The following AMMECR1 variants were observed in gnomAD, a reference collection of about 807,000 sequenced individuals.
The protein encoded by AMMECR1 is AMMECR nuclear protein 1.
Under a neutral mutation model 22.5 loss-of-function variants are expected in AMMECR1, and 3 were observed. That is an observed-to-expected ratio of 0.13 (90% CI 0.06 to 0.35). The LOEUF (loss-of-function observed/expected upper bound fraction) is 0.35, where lower values mean the gene tolerates loss of function less well. AMMECR1 is among the 10% of genes least tolerant of loss of function. The pLI is 1.00. For missense variants in AMMECR1, 235 were observed against 278.7 expected (o/e 0.84, Z 1.12); for synonymous variants, 130 against 116.7 (o/e 1.11, Z -0.74).
intron 2 of AMMECR1, among the ~76,000 whole-genome samples, chrX:110,221,699 T>G (rs912848880): frequency 2.7e-5 from 3 of 109,940 alleles, no homozygotes; most frequent in African/African-American, 9.9e-5. Context: ...TCATGGGGAA[T>G]AGAGGAAAGA....
In AMMECR1 at chrX:110,409,154, T is replaced by C. The variant is rs12011576; in HGVS notation, c.-148+17504A>G. Among the ~76,000 whole-genome samples the C allele has an allele frequency of 3.6e-3, 396 of 111,148 alleles. 2 individuals carry two copies. The highest frequency in any genetic ancestry group is 0.012 in the African/African-American group (356 of 30,551). On this transcript the variant is annotated intron_variant, in intron 2 of 7. Transcript: ENST00000372057. ...CTGGAGTCAGGCATGTAGGTCAGCA[T>C]AGTCGGGGTATATAAAACTGGCAGG... is the stretch of plus-strand genomic sequence containing the variant.
chrX:110,391,673 G>T (rs2068494440), intron 2 of AMMECR1, among the ~76,000 whole-genome samples: 2 of 111,929 alleles, frequency 1.8e-5, no homozygotes, highest in Admixed American at 9.5e-5. Context: ...AATCAAAGAG[G>T]CATCTAAGTT....
intron 2 of AMMECR1, among the ~76,000 whole-genome samples, chrX:110,371,389 G>A (rs1375831149): frequency 8.9e-6 from 1 of 111,848 alleles, no homozygotes; most frequent in East Asian, 2.8e-4. Flanking sequence ...TTTACTCACT[G>A]AGTCGCAAAC....
intron 2 of AMMECR1, among the ~76,000 whole-genome samples, chrX:110,412,739 A>G (rs1188451981): frequency 8.9e-6 from 1 of 112,468 alleles, no homozygotes; most frequent in Admixed American, 9.4e-5. Context: ...CTGATGTGCA[A>G]TGATATCTCC....
chrX:110,266,382 T>A (rs1474448223), intron 1 of AMMECR1, among the ~76,000 whole-genome samples: 2 of 111,475 alleles, frequency 1.8e-5, no homozygotes, highest in East Asian at 5.6e-4. Context: ...CAGCAACCAT[T>A]TTTTTGTTTT....
intron 2 of AMMECR1, among the ~76,000 whole-genome samples, chrX:110,352,196 A>T (rs2068213884): frequency 8.9e-6 from 1 of 112,365 alleles, no homozygotes; most frequent in Non-Finnish European, 1.9e-5. Flanking sequence ...TTATTATATG[A>T]CCCATAAATT....
chrX:110,426,002 GCA>G (rs201141674), intron 2 of AMMECR1, among the ~76,000 whole-genome samples: 116 of 107,173 alleles, frequency 1.1e-3, no homozygotes, highest in Non-Finnish European at 1.6e-3. Context: ...ACACACAAAC[GCA>G]CACACACACA....
intron 2 of AMMECR1, among the ~76,000 whole-genome samples, chrX:110,350,797 G>A (rs754715295): frequency 8.2e-5 from 9 of 109,282 alleles, no homozygotes; most frequent in Non-Finnish European, 1.1e-4. Context: ...TGAGACCCCC[G>A]TCTCTACAAA....
At chrX:110,407,182 C>T (rs1311929444) in intron 2 of AMMECR1, among the ~76,000 whole-genome samples, 1 of 112,298 alleles carries the variant, frequency 8.9e-6, no homozygotes, top group Non-Finnish European at 1.9e-5. Context: ...TCTGCTTCCC[C>T]ATCCTGGTTT....
chrX:110,241,618 C>T (rs779401401), intron 2 of AMMECR1, among the ~76,000 whole-genome samples: 1 of 109,472 alleles, frequency 9.1e-6, no homozygotes, highest in East Asian at 2.9e-4. Context: ...AATGAGAACA[C>T]ATGGACACAG....
At chrX:110,324,168 T>C (rs1015433108) in intron 2 of AMMECR1, among the ~76,000 whole-genome samples, 2 of 110,165 alleles carry the variant, frequency 1.8e-5, no homozygotes, top group Non-Finnish European at 3.8e-5. Context: ...AGCTAATTTA[T>C]GTATTTTTAG....
intron 2 of AMMECR1, among the ~76,000 whole-genome samples, chrX:110,224,115 G>A (rs2067518819): frequency 9.0e-6 from 1 of 111,473 alleles, no homozygotes; most frequent in African/African-American, 3.3e-5. Flanking sequence ...TCTGTCCACA[G>A]GGCTGCCCCA....
At chrX:110,429,565 C>T (rs2068782223) in intron 1 of AMMECR1, among the ~76,000 whole-genome samples, 1 of 109,014 alleles carries the variant, frequency 9.2e-6, no homozygotes, top group African/African-American at 3.4e-5. Flanking sequence ...TCACTGCAAC[C>T]TCCGCCTCCT....
intron 2 of AMMECR1, among the ~76,000 whole-genome samples, chrX:110,388,297 A>G (rs2068471995): frequency 8.9e-6 from 1 of 112,169 alleles, no homozygotes; most frequent in Admixed American, 9.4e-5. Flanking sequence ...GGTATTTGTT[A>G]TTGATTGATA....
At chrX:110,294,875 G>A (rs1283654881) in intron 1 of AMMECR1, among the ~76,000 whole-genome samples, 1 of 110,550 alleles carries the variant, frequency 9.0e-6, no homozygotes, top group Non-Finnish European at 1.9e-5. Context: ...AAGTCTTGAT[G>A]AGGGCAGGAA....
intron 2 of AMMECR1, among the ~76,000 whole-genome samples, chrX:110,324,851 A>G (rs1261131847): frequency 9.0e-6 from 1 of 110,953 alleles, no homozygotes; most frequent in African/African-American, 3.3e-5. Context: ...CCACTTCATC[A>G]TGGTATATAA....
chrX:110,369,159 C>T (rs1001670703), intron 2 of AMMECR1, among the ~76,000 whole-genome samples: 1 of 110,789 alleles, frequency 9.0e-6, no homozygotes, highest in African/African-American at 3.3e-5. Flanking sequence ...AGTGAAACCC[C>T]GTCTCTACTA....
At chrX:110,427,151 C>T (rs2068760051) in intron 1 of AMMECR1, among the ~76,000 whole-genome samples, 1 of 112,228 alleles carries the variant, frequency 8.9e-6, no homozygotes, top group Admixed American at 9.4e-5. Context: ...CACCTCCAGA[C>T]ATCTCTTGCC....
chrX:110,292,196 G>A (rs2067912686), intron 1 of AMMECR1, among the ~76,000 whole-genome samples: 1 of 112,325 alleles, frequency 8.9e-6, no homozygotes, highest in African/African-American at 3.2e-5. Context: ...GAAGTTGCAG[G>A]TGTGCTGATA....
Sources: gnomAD v4.1 joint callset for allele counts (sites outside exome capture counted in the v4.1 genomes callset) on GRCh38, gnomAD v4.1.1 for gene constraint, MANE v1.5 for transcripts, NCBI Gene and HGNC (gene_info 2026-07-23, HGNC 2026-07-21) for gene names.